Variants in UNC45B observed in about 807,000 individuals in gnomAD.
UNC45B encodes the protein protein unc-45 homolog B.
In UNC45B, 78 loss-of-function variants were observed where a neutral mutation model predicts 98.7. The observed-to-expected ratio is 0.79, with a 90% confidence interval of 0.66 to 0.95. UNC45B has a LOEUF of 0.95. Among genes scored for constraint, UNC45B ranks in the 40% least tolerant of loss-of-function variants. The pLI is 0.00. For synonymous variants in UNC45B, 462 were observed against 480.4 expected, an observed-to-expected ratio of 0.96 and a Z score of 0.50; for missense variants, 1,225 against 1,184.9, an observed-to-expected ratio of 1.03 and a Z score of -0.50.
intron 18 of UNC45B, 68 bp downstream of exon 18, chr17:35,180,744 C>A: frequency 7.9e-7 from 1 of 1,259,712 alleles, no homozygotes; most frequent in South Asian, 1.2e-5. Context: ...AGGGTCAGGG[C>A]CTGGGGTGAG....
At chr17:35,166,634 A>T (rs1192133668) in intron 9 of UNC45B, among the ~76,000 whole-genome samples, 3 of 152,208 alleles carry the variant, frequency 2.0e-5, no homozygotes, top group Non-Finnish European at 4.4e-5. Context: ...GTGGGGACCC[A>T]GTGCCAGCTC....
At position 35,170,260 on chromosome 17, in the gene UNC45B, G is replaced by T. The variant is rs758261566; in HGVS notation, c.1689+5G>T. 84 of 1,599,782 alleles carry T rather than the reference G, an allele frequency of 5.3e-5. No homozygotes were observed. Among genetic ancestry groups the T allele is most frequent in the Non-Finnish European group, 7.2e-5 (84 of 1,170,172 alleles). On this transcript the variant is annotated splice_donor_5th_base_variant and intron_variant, in intron 12 of 19. Coordinates refer to ENST00000394570, the MANE Select transcript of UNC45B (RefSeq NM_001267052.2). ...GCCATGTTTGAGCTGGCCAAGGCAG[G>T]TGTCGGGGAGTCTGGCCCGACCACA... is the stretch of plus-strand genomic sequence containing the variant.
intron 4 of UNC45B, 45 bp from the exon 5 acceptor site, chr17:35,152,848 G>T: frequency 6.8e-7 from 1 of 1,479,836 alleles, no homozygotes; most frequent in Non-Finnish European, 9.5e-7. Flanking sequence ...CTGAAATGAC[G>T]TGGACCCCAC....
chr17:35,178,091 G>T (rs1458796700), intron 17 of UNC45B, among the ~76,000 whole-genome samples: 3 of 151,998 alleles, frequency 2.0e-5, no homozygotes, highest in African/African-American at 4.8e-5. Flanking sequence ...GTAGAGACAG[G>T]GTTTCCCCAT....
intron 19 of UNC45B, among the ~76,000 whole-genome samples, chr17:35,185,501 T>C (rs1431320514): frequency 2.0e-5 from 3 of 151,890 alleles, no homozygotes; most frequent in Non-Finnish European, 4.4e-5. Flanking sequence ...AGAGAGGGGG[T>C]TTCCCCATGT....
At chr17:35,148,169 T>C in intron 1 of UNC45B, 95 bp from the exon 2 acceptor site, 1 of 1,404,222 alleles carries the variant, frequency 7.1e-7, no homozygotes, top group South Asian at 1.3e-5. Context: ...CTCTCTGGTG[T>C]GAGGGGACCC....
At chr17:35,169,767 A>T in intron 10 of UNC45B, 70 bp from the exon 11 acceptor site, 1 of 1,401,436 alleles carries the variant, frequency 7.1e-7, no homozygotes, top group Non-Finnish European at 1.0e-6. Flanking sequence ...AACCTGTTTG[A>T]GCAAGGCTTC....
intron 6 of UNC45B, 130 bp downstream of exon 6, chr17:35,154,871 T>C: frequency 9.4e-7 from 1 of 1,060,252 alleles, no homozygotes; most frequent in Non-Finnish European, 1.3e-6. Flanking sequence ...CTCCAGTCTC[T>C]TTTTCCCTTT....
In UNC45B at chr17:35,186,207, A is replaced by G. The variant is rs189479638; in HGVS notation, c.2530-92A>G. On this transcript the variant is annotated intron_variant, in intron 19 of 19. Coordinates refer to ENST00000394570, the MANE Select transcript of UNC45B (RefSeq NM_001267052.2). Reference sequence around the variant, plus strand: ...TACCTCTTAAAGGACCCACCTCCTAACATTGCCACACCAGGGACCACATTT... The same window carrying G: ...TACCTCTTAAAGGACCCACCTCCTAGCATTGCCACACCAGGGACCACATTT... The G allele has an allele frequency of 3.8e-3, 5,774 of 1,535,562 alleles. 16 individuals are homozygous for G. The highest frequency in any genetic ancestry group is 4.2e-3 in the Non-Finnish European group (4,763 of 1,133,714).
Position 35,177,033 on chromosome 17 carries a change from C to T in UNC45B, c.2042C>T (p.Ala681Val). The change falls in exon 16 of 20, where the codon GCT (alanine) becomes GTT (valine). Residue 681 changes from alanine (A) to valine (V), a missense_variant. Physicochemically the swap from Ala to Val is moderately conservative, Grantham distance 64. Transcript: ENST00000394570. ...QGGGKALIPL[A>V]LEGTDVGKVK... is the part of the protein sequence containing the mutation. ...TTCTTGCAGGCCCTGATTCCCCTGG[C>T]TTTGGAGGGCACAGATGTGGGCAAG... The T allele has an allele frequency of 6.2e-7, 1 of 1,614,120 alleles. No individual in the cohort carries two copies. Among genetic ancestry groups the T allele is most frequent in the African/African-American group, 1.3e-5 (1 of 75,054 alleles).
chr17:35,177,736 G>T, intron 17 of UNC45B, 126 bp downstream of exon 17: 1 of 698,988 alleles, frequency 1.4e-6, no homozygotes, highest in Non-Finnish European at 2.3e-6. Flanking sequence ...TGGGATTTGA[G>T]TTAGCACAAA....
intron 8 of UNC45B, among the ~76,000 whole-genome samples, chr17:35,163,750 T>C (rs998358695): frequency 2.6e-5 from 4 of 152,186 alleles, no homozygotes; most frequent in African/African-American, 9.7e-5. Flanking sequence ...GATCGACTAG[T>C]CCTGATTTTG....
chr17:35,152,967 T>A lies in UNC45B; in HGVS notation c.456T>A (p.Ala152=). 6.2e-7 allele frequency: 1 copy of A among 1,613,590 alleles called. No homozygotes were observed. The highest frequency in any genetic ancestry group is 1.1e-5 in the South Asian group (1 of 91,044). Residue 152 remains alanine, a synonymous_variant, in exon 5 of 20, where the codon GCT becomes GCA. Transcript: ENST00000394570. ...FEILLDENSE[A]DKREKAANNL... Reference sequence around the variant, plus strand: ...TCCTCTTGGATGAAAACAGTGAGGCTGATAAGCGGGAAAAGGTGAGTGCTG... The same window carrying A: ...TCCTCTTGGATGAAAACAGTGAGGCAGATAAGCGGGAAAAGGTGAGTGCTG...
Position 35,183,594 on chromosome 17 carries a change from C to A in UNC45B, c.2529+12C>A. ...AGATGACTCAAGTGGTAAGAGCTGG[C>A]CCTGGGGATAGGACGGGCTGGGTGG... On this transcript the variant is annotated intron_variant, in intron 19 of 19. Coordinates refer to ENST00000394570, the MANE Select transcript of UNC45B (RefSeq NM_001267052.2). 6.6e-7 allele frequency: 1 copy of A among 1,522,574 alleles called. No homozygotes were observed. Among genetic ancestry groups the A allele is most frequent in the South Asian group, 1.3e-5 (1 of 75,340 alleles). The allele number at this position is 1,522,574 out of a possible 1,614,324, so 94.3% of individuals were successfully genotyped here.
Position 35,188,939 on chromosome 17 carries a change from TTC to T in UNC45B, c.*2382_*2383del, listed in dbSNP as rs2142625413. 1 of 152,268 alleles carries T rather than the reference TTC, an allele frequency of 6.6e-6. No homozygotes were observed. Among genetic ancestry groups the T allele is most frequent in the South Asian group, 2.1e-4 (1 of 4,828 alleles). The allele number at this position is 152,268 out of a possible 1,614,324, so 9.4% of individuals were successfully genotyped here. A position where few individuals can be genotyped will look rare whatever the true frequency, so the allele number is the denominator to read the frequency against. ...TGTAAGAGGGCCCTTCTTTGCAGAT[TTC>T]TTTTTTTTTTCATCTATGCTTTCAA... On this transcript the variant is annotated 3_prime_UTR_variant, in exon 20 of 20. Coordinates refer to ENST00000394570, the MANE Select transcript of UNC45B (RefSeq NM_001267052.2).
rs1312445613 is a variant in UNC45B, at chr17:35,188,025, A to C, written c.*1466A>C. The stretch of plus-strand genomic sequence containing the variant: ...TCAGCTGGAAAAGGGACAGACTATC[A>C]GAGAGTTGCACTGTTGCGGTATGGG... On this transcript the variant is annotated 3_prime_UTR_variant, in exon 20 of 20. Transcript: ENST00000394570. The C allele has an allele frequency of 1.3e-5, 2 of 152,276 alleles. No individual in the cohort carries two copies. Among genetic ancestry groups the C allele is most frequent in the Non-Finnish European group, 2.9e-5 (2 of 68,054 alleles). The allele number at this position is 152,276 out of a possible 1,614,324, so 9.4% of individuals were successfully genotyped here. A position where few individuals can be genotyped will look rare whatever the true frequency, so the allele number is the denominator to read the frequency against.
At position 35,186,569 on chromosome 17, in the gene UNC45B, C is replaced by T. The variant is rs780727903; in HGVS notation, c.*10C>T. 1.8e-5 allele frequency: 29 copies of T among 1,613,716 alleles called. No individual in the cohort carries two copies. Among genetic ancestry groups the T allele is most frequent in the Non-Finnish European group, 2.4e-5 (28 of 1,179,792 alleles). The stretch of plus-strand genomic sequence containing the variant: ...TAAACCAGTGTCTTAGACAGCGACC[C>T]TCAGGGATGCTGGGAGTGGTCCTGT... On this transcript the variant is annotated 3_prime_UTR_variant, in exon 20 of 20. Coordinates refer to ENST00000394570, the MANE Select transcript of UNC45B (RefSeq NM_001267052.2).
At chr17:35,162,594 A>AC (rs2092109549) in intron 8 of UNC45B, among the ~76,000 whole-genome samples, 1 of 147,800 alleles carries the variant, frequency 6.8e-6, no homozygotes, top group African/African-American at 2.5e-5. Context: ...ACTTCCAGGC[A>AC]CTTTTTTTTT....
At chr17:35,163,329 G>T (rs1360677890) in intron 8 of UNC45B, among the ~76,000 whole-genome samples, 1 of 152,030 alleles carries the variant, frequency 6.6e-6, no homozygotes, top group Non-Finnish European at 1.5e-5. Context: ...TGGAGGTCAG[G>T]GTTGTATCTG....
Sources: gnomAD v4.1 joint callset for allele counts (sites outside exome capture counted in the v4.1 genomes callset) on GRCh38, gnomAD v4.1.1 for gene constraint, MANE v1.5 for transcripts, NCBI Gene and HGNC (gene_info 2026-07-23, HGNC 2026-07-21) for gene names.